The following IL21 variants were observed in gnomAD, a reference collection of about 807,000 sequenced individuals.
IL21 encodes interleukin-21.
In IL21, 3 loss-of-function variants were observed where a neutral mutation model predicts 18.4. The ratio of observed to expected loss-of-function variants is 0.16; its 90% CI spans 0.07 to 0.42. The LOEUF (loss-of-function observed/expected upper bound fraction) is 0.42. Among genes scored for constraint, IL21 ranks in the 10% least tolerant of loss-of-function variants. The pLI is 0.99. For missense variants in IL21, 130 were observed against 188.4 expected, an observed-to-expected ratio of 0.69 and a Z score of 1.81; for synonymous variants, 37 against 62.0, an observed-to-expected ratio of 0.60 and a Z score of 1.90.
intron 3 of IL21, 31 bp downstream of exon 3, chr4:122,615,651 A>T (rs1282005659): frequency 1.3e-6 from 2 of 1,595,430 alleles, no homozygotes; most frequent in Middle Eastern, 1.7e-4. Context: ...TTATAAGTAC[A>T]AATAAGAGAG....
intron 1 of IL21, 47 bp downstream of exon 1, chr4:122,620,797 A>G (rs1475651850): frequency 6.2e-7 from 1 of 1,611,370 alleles, no homozygotes; most frequent in South Asian, 1.1e-5. Context: ...CTTTTATATT[A>G]ATTGAAAAGT....
Position 122,613,969 on chromosome 4 carries a change from G to C in IL21, c.361-1041C>G, listed in dbSNP as rs45532838. On this transcript the variant is annotated intron_variant, in intron 3 of 4. Coordinates refer to ENST00000648588, the MANE Select transcript of IL21 (RefSeq NM_021803.4). ...GATTGCTCACTTAGATTTTTAAAAA[G>C]CTTTCTTAGTTTATGCTCTTTGTCT... is the stretch of plus-strand genomic sequence containing the variant. 5.3e-5 allele frequency among the ~76,000 whole-genome samples: 8 copies of C among 152,230 alleles called. No homozygotes were observed. In the South Asian group the frequency reaches 1.4e-3, roughly 28 times the overall value.
chr4:122,620,549 A>C (rs1799411516), intron 2 of IL21, 152 bp downstream of exon 2: 3 of 689,738 alleles, frequency 4.3e-6, no homozygotes, highest in Non-Finnish European at 7.1e-6. Flanking sequence ...CAATGAATTT[A>C]ACCAAAATAT....
intron 3 of IL21, among the ~76,000 whole-genome samples, chr4:122,613,771 T>TA (rs1212951721): frequency 6.6e-6 from 1 of 152,240 alleles, no homozygotes; most frequent in Non-Finnish European, 1.5e-5. Context: ...ATTAAAGGGA[T>TA]AAAAATTTTA....
intron 2 of IL21, among the ~76,000 whole-genome samples, chr4:122,617,133 C>A (rs1353662159): frequency 6.6e-6 from 1 of 152,098 alleles, no homozygotes. Context: ...AGCCACAAGC[C>A]GAGAAGCAGC....
chr4:122,612,687 G>A lies in IL21; in HGVS notation c.*23C>T. 1 of 1,490,892 alleles carries A rather than the reference G, an allele frequency of 6.7e-7. No individual in the cohort carries two copies. The highest frequency in any genetic ancestry group is 9.4e-7 in the Non-Finnish European group (1 of 1,068,696). The allele number at this position is 1,490,892 out of a possible 1,614,324, so 92.4% of individuals were successfully genotyped here. On this transcript the variant is annotated 3_prime_UTR_variant, in exon 5 of 5. Transcript: ENST00000648588. ...CTACTATATTAGAGTATGTAACATA[G>A]TGTCCAACTGCAAGTTAGATCCTCA...
intron 3 of IL21, among the ~76,000 whole-genome samples, chr4:122,615,426 G>A (rs1010638934): frequency 3.3e-5 from 5 of 152,086 alleles, no homozygotes; most frequent in Admixed American, 1.3e-4. Flanking sequence ...TCAGGAGGCT[G>A]AGGTAGGAGG....
intron 3 of IL21, among the ~76,000 whole-genome samples, chr4:122,613,347 CTTTTTTTTTTTT>C (rs34061725): frequency 3.2e-5 from 3 of 94,946 alleles, no homozygotes; most frequent in Non-Finnish European, 6.2e-5. Flanking sequence ...TTGCATCTAA[CTTTTTTTTTTTT>C]TTTTTTTTTT....
chr4:122,615,913 T>C (rs2150686661), intron 2 of IL21, 76 bp from the exon 3 acceptor site: 1 of 1,237,600 alleles, frequency 8.1e-7, no homozygotes. Context: ...CAATCCTCTA[T>C]TTCTATCTCT....
intron 2 of IL21, among the ~76,000 whole-genome samples, chr4:122,619,732 T>C (rs1799396687): frequency 6.6e-6 from 1 of 152,146 alleles, no homozygotes. Flanking sequence ...TAAATGAGAG[T>C]GTTTGGGTTC....
At position 122,611,623 on chromosome 4, in the gene IL21, A is replaced by T. The variant is rs931814831; in HGVS notation, c.*1087T>A. Reference sequence around the variant, plus strand: ...TACTACCCAAGTCTGAAAGATTGGAATGCTTATGCGAAAGTCTGTTTTCAA... The same window carrying T: ...TACTACCCAAGTCTGAAAGATTGGATTGCTTATGCGAAAGTCTGTTTTCAA... On this transcript the variant is annotated 3_prime_UTR_variant, in exon 5 of 5. Transcript: ENST00000648588. Among the ~76,000 whole-genome samples the T allele has an allele frequency of 6.6e-6, 1 of 152,306 alleles. No individual in the cohort carries two copies. The highest frequency in any genetic ancestry group is 1.9e-4 in the East Asian group (1 of 5,186).
chr4:122,615,315 A>G (rs888607826), intron 3 of IL21, among the ~76,000 whole-genome samples: 1 of 152,128 alleles, frequency 6.6e-6, no homozygotes, highest in Non-Finnish European at 1.5e-5. Context: ...GGGTCAGGAG[A>G]TCGAGACCAT....
At chr4:122,619,728 A>C (rs1285206959) in intron 2 of IL21, among the ~76,000 whole-genome samples, 1 of 152,230 alleles carries the variant, frequency 6.6e-6, no homozygotes, top group Non-Finnish European at 1.5e-5. Context: ...CTAGTAAATG[A>C]GAGTGTTTGG....
chr4:122,611,512 T>C lies in IL21; in HGVS notation c.*1198A>G, dbSNP rs1799263395. Among the ~76,000 whole-genome samples, 1 of 152,208 alleles carries C rather than the reference T, an allele frequency of 6.6e-6. No homozygotes were observed. The highest frequency in any genetic ancestry group is 1.5e-5 in the Non-Finnish European group (1 of 68,030). On this transcript the variant is annotated 3_prime_UTR_variant, in exon 5 of 5. Coordinates refer to ENST00000648588, the MANE Select transcript of IL21 (RefSeq NM_021803.4). ...GCTTATACCATTCTAGCGAACATTT[T>C]ACTTTTCTAGAGTTTTTAACTTCAT... is the stretch of plus-strand genomic sequence containing the variant.
At chr4:122,616,353 T>C (rs1306946237) in intron 2 of IL21, among the ~76,000 whole-genome samples, 1 of 152,224 alleles carries the variant, frequency 6.6e-6, no homozygotes, top group African/African-American at 2.4e-5. Flanking sequence ...ATGATCAACA[T>C]ATATTTGTAA....
At chr4:122,617,457 C>T (rs1034000526) in intron 2 of IL21, among the ~76,000 whole-genome samples, 4 of 152,160 alleles carry the variant, frequency 2.6e-5, no homozygotes, top group African/African-American at 4.8e-5. Flanking sequence ...CACAGAGGCT[C>T]ATTTTGCTGA....
At chr4:122,616,585 G>A (rs571386437) in intron 2 of IL21, among the ~76,000 whole-genome samples, 1 of 152,264 alleles carries the variant, frequency 6.6e-6, no homozygotes, top group East Asian at 1.9e-4. Context: ...CCAATGAGAC[G>A]GAAAGTCATT....
rs1158287074 is a variant in IL21, at chr4:122,612,301, A to G, written c.*409T>C. 1.3e-5 allele frequency among the ~76,000 whole-genome samples: 2 copies of G among 152,004 alleles called. No homozygotes were observed. The highest frequency in any genetic ancestry group is 2.9e-5 in the Non-Finnish European group (2 of 67,974). ...TGTCAACTTTTCATTTTGCTTTTATATATTTTGCTTCTATGCTTCTATATT... is the reference window on the plus strand; with the variant it reads ...TGTCAACTTTTCATTTTGCTTTTATGTATTTTGCTTCTATGCTTCTATATT... On this transcript the variant is annotated 3_prime_UTR_variant, in exon 5 of 5. Coordinates refer to ENST00000648588, the MANE Select transcript of IL21 (RefSeq NM_021803.4).
intron 3 of IL21, among the ~76,000 whole-genome samples, chr4:122,614,601 G>T (rs1799311876): frequency 6.6e-6 from 1 of 152,092 alleles, no homozygotes; most frequent in African/African-American, 2.4e-5. Context: ...CAGCTACTTG[G>T]GAGGCTGAGG....
Sources: gnomAD v4.1 joint callset for allele counts (sites outside exome capture counted in the v4.1 genomes callset) on GRCh38, gnomAD v4.1.1 for gene constraint, MANE v1.5 for transcripts, NCBI Gene and HGNC (gene_info 2026-07-23, HGNC 2026-07-21) for gene names.